Variants in OTOA observed in about 807,000 individuals in gnomAD.
OTOA encodes the protein otoancorin.
Under a neutral mutation model 110.8 loss-of-function variants are expected in OTOA, and 70 were observed. The ratio of observed to expected loss-of-function variants is 0.63; its 90% CI spans 0.52 to 0.77. OTOA has a LOEUF of 0.77. OTOA is among the 30% of genes least tolerant of loss of function. The pLI is 0.00. For missense variants in OTOA, 917 were observed against 1,075.8 expected (o/e 0.85, Z 2.06); for synonymous variants, 373 against 431.5 (o/e 0.86, Z 1.68).
chr16:21,684,522 G>A, intron 6 of OTOA: 1 of 1,550,924 alleles, frequency 6.4e-7, no homozygotes, highest in Non-Finnish European at 8.7e-7. Context: ...AGCTGCTGCT[G>A]ATGGGAAACT....
At chr16:21,672,606 G>A (rs1261297416) in intron 1 of OTOA, among the ~76,000 whole-genome samples, 2 of 145,208 alleles carry the variant, frequency 1.4e-5, no homozygotes, top group Admixed American at 1.4e-4. Context: ...CTGGGTGACA[G>A]AGTGAGACTC....
At chr16:21,676,996 A>T (rs572788942) in intron 1 of OTOA, among the ~76,000 whole-genome samples, 16 of 152,358 alleles carry the variant, frequency 1.1e-4, no homozygotes, top group Admixed American at 7.2e-4. Context: ...AGGACGGTTT[A>T]TCCATTGCCA....
At chr16:21,680,951 TCA>T (rs1308167631) in intron 5 of OTOA, among the ~76,000 whole-genome samples, 2 of 152,064 alleles carry the variant, frequency 1.3e-5, no homozygotes, top group Non-Finnish European at 2.9e-5. Flanking sequence ...AATTTTAATC[TCA>T]CAGTTGTTAA....
intron 10 of OTOA, among the ~76,000 whole-genome samples, chr16:21,699,918 C>CA (rs1390676686): frequency 6.7e-6 from 1 of 149,634 alleles, no homozygotes; most frequent in Non-Finnish European, 1.5e-5. Context: ...GACTCCATCT[C>CA]AAAAAAATAA....
intron 4 of OTOA, 46 bp from the exon 5 acceptor site, chr16:21,679,138 G>A: frequency 6.2e-7 from 1 of 1,613,448 alleles, no homozygotes; most frequent in African/African-American, 1.3e-5. Flanking sequence ...GATCTCTCTG[G>A]AATGATTCCT....
At chr16:21,716,061 T>C (rs532264877) in intron 14 of OTOA, among the ~76,000 whole-genome samples, 2 of 151,734 alleles carry the variant, frequency 1.3e-5, no homozygotes, top group African/African-American at 4.8e-5. Flanking sequence ...AGGCCTGTGC[T>C]GCTCACTAAT....
intron 9 of OTOA, among the ~76,000 whole-genome samples, chr16:21,692,121 G>GT (rs1173423304): frequency 6.6e-6 from 1 of 152,172 alleles, no homozygotes; most frequent in Admixed American, 6.6e-5. Context: ...GAGGTCAGGA[G>GT]TTTGAGACCA....
At chr16:21,735,663 G>A (rs945839186) in intron 21 of OTOA, among the ~76,000 whole-genome samples, 10 of 152,152 alleles carry the variant, frequency 6.6e-5, no homozygotes, top group Non-Finnish European at 1.2e-4. Context: ...GCATGCTCTC[G>A]ACTCACTACA....
intron 11 of OTOA, among the ~76,000 whole-genome samples, chr16:21,704,067 A>T (rs1424822445): frequency 5.3e-5 from 8 of 152,164 alleles, no homozygotes; most frequent in African/African-American, 1.9e-4. Context: ...GAGAGCAAAC[A>T]TCTCACAGAG....
intron 1 of OTOA, among the ~76,000 whole-genome samples, chr16:21,675,382 C>G (rs1027421029): frequency 1.7e-5 from 2 of 117,580 alleles, no homozygotes; most frequent in African/African-American, 6.7e-5. Flanking sequence ...GTTTTGAACT[C>G]TTGGCCTCAA....
At chr16:21,691,924 T>G (rs1414878027) in intron 9 of OTOA, among the ~76,000 whole-genome samples, 1 of 152,192 alleles carries the variant, frequency 6.6e-6, no homozygotes, top group African/African-American at 2.4e-5. Context: ...ATAATCTATG[T>G]TGTGTCCTAG....
Position 21,678,470 on chromosome 16 carries a change from T to TA in OTOA, c.-4-34dup, listed in dbSNP as rs765443308. 6.7e-4 allele frequency: 787 copies of TA among 1,181,970 alleles called. 3 individuals carry two copies. Among genetic ancestry groups the TA allele is most frequent in the Non-Finnish European group, 7.7e-4 (622 of 806,984 alleles). The allele number at this position is 1,181,970 out of a possible 1,614,324, so 73.2% of individuals were successfully genotyped here. A position where few individuals can be genotyped will look rare whatever the true frequency, so the allele number is the denominator to read the frequency against. The stretch of plus-strand genomic sequence containing the variant: ...TGTGTGTGTGTATATATATATATAT[T>TA]AAAAAAACATGAATCACTTCTATGC... On this transcript the variant is annotated intron_variant, in intron 1 of 28. Coordinates refer to ENST00000646100, the MANE Select transcript of OTOA (RefSeq NM_144672.4).
chr16:21,707,647 T>TTCTTTCTTTCTTTCTTTC (rs1898222822), intron 12 of OTOA, among the ~76,000 whole-genome samples: 1 of 114,362 alleles, frequency 8.7e-6, no homozygotes, highest in Admixed American at 9.6e-5. Context: ...CTTTCTTTCT[T>TTCTTTCTTTCTTTCTTTC]TCTTTCTTTC....
At chr16:21,691,284 A>T (rs565804811) in intron 8 of OTOA, among the ~76,000 whole-genome samples, 2 of 152,120 alleles carry the variant, frequency 1.3e-5, no homozygotes, top group African/African-American at 2.4e-5. Flanking sequence ...ATACGTGTGC[A>T]TGTGTCTTTA....
intron 11 of OTOA, among the ~76,000 whole-genome samples, chr16:21,704,016 C>A (rs928252800): frequency 6.6e-6 from 1 of 152,110 alleles, no homozygotes; most frequent in Non-Finnish European, 1.5e-5. Flanking sequence ...CACTGCAGAA[C>A]TGTGTATAGC....
chr16:21,708,043 G>A (rs1898245866), intron 12 of OTOA, among the ~76,000 whole-genome samples: 1 of 151,740 alleles, frequency 6.6e-6, no homozygotes, highest in Non-Finnish European at 1.5e-5. Context: ...CGCCTGCCAT[G>A]GCCTCTTAAA....
At chr16:21,698,702 G>T (rs1204633554) in intron 10 of OTOA, among the ~76,000 whole-genome samples, 4 of 152,014 alleles carry the variant, frequency 2.6e-5, no homozygotes, top group African/African-American at 9.7e-5. Flanking sequence ...TTTACCTAGG[G>T]GGCTGGGAGT....
At chr16:21,682,141 C>A in intron 6 of OTOA, among the ~76,000 whole-genome samples, 1 of 152,174 alleles carries the variant, frequency 6.6e-6, no homozygotes, top group South Asian at 2.1e-4. Flanking sequence ...AGTGGGAAAG[C>A]CACAGAGAAA....
At chr16:21,698,977 G>A (rs938452282) in intron 10 of OTOA, among the ~76,000 whole-genome samples, 1 of 152,110 alleles carries the variant, frequency 6.6e-6, no homozygotes, top group African/African-American at 2.4e-5. Flanking sequence ...ATGAAATGGA[G>A]TCTCGTTCTG....
Sources: allele counts gnomAD v4.1 joint callset (sites outside exome capture counted in the v4.1 genomes callset), GRCh38; gene constraint gnomAD v4.1.1; transcripts MANE v1.5; gene names NCBI Gene and HGNC (gene_info 2026-07-23, HGNC 2026-07-21).